KAZN: variants seen among roughly 807,000 people sequenced by gnomAD.
KAZN encodes the protein kazrin, periplakin interacting protein, also known as kazrin.
KAZN carries 40 observed loss-of-function variants against 87.4 expected under a neutral mutation model. That is an observed-to-expected ratio of 0.46 (90% CI 0.36 to 0.60). The LOEUF (loss-of-function observed/expected upper bound fraction) is 0.60. Among genes scored for constraint, KAZN ranks in the 20% least tolerant of loss-of-function variants. The pLI is 0.00. For synonymous variants in KAZN, 466 were observed against 458.3 expected, an observed-to-expected ratio of 1.02 and a Z score of -0.22; for missense variants, 898 against 1,073.9, an observed-to-expected ratio of 0.84 and a Z score of 2.29.
intron 1 of KAZN, among the ~76,000 whole-genome samples, chr1:14,831,735 C>T (rs1440179073): frequency 6.6e-6 from 1 of 152,180 alleles, no homozygotes; most frequent in Non-Finnish European, 1.5e-5. Context: ...GAAACCGAGA[C>T]AGGGAAATGA....
intron 4 of KAZN, among the ~76,000 whole-genome samples, chr1:15,046,820 G>A (rs1042371236): frequency 3.9e-5 from 6 of 152,224 alleles, no homozygotes; most frequent in African/African-American, 1.4e-4. Flanking sequence ...CCCTGCTGCT[G>A]CGTGCAGCCC....
chr1:14,381,217 C>T (rs1321972791), intron 2 of KAZN, among the ~76,000 whole-genome samples: 2 of 152,122 alleles, frequency 1.3e-5, no homozygotes, highest in African/African-American at 4.8e-5. Context: ...AACAATTTTA[C>T]ATATATGTGC....
At chr1:14,555,828 G>C (rs561440532) in intron 2 of KAZN, among the ~76,000 whole-genome samples, 1 of 152,298 alleles carries the variant, frequency 6.6e-6, no homozygotes, top group South Asian at 2.1e-4. Flanking sequence ...AACTGACCCC[G>C]ATGTTTGTAC....
intron 1 of KAZN, among the ~76,000 whole-genome samples, chr1:14,708,776 G>A (rs1415878613): frequency 1.3e-5 from 2 of 152,228 alleles, no homozygotes; most frequent in East Asian, 3.8e-4. Flanking sequence ...CAGCCAGCAA[G>A]GATTGTTTAT....
At chr1:14,672,791 G>C (rs1049248399) in intron 1 of KAZN, among the ~76,000 whole-genome samples, 2 of 152,174 alleles carry the variant, frequency 1.3e-5, no homozygotes, top group Admixed American at 6.5e-5. Flanking sequence ...GCACCAAAAA[G>C]TGTGGCCCTG....
intron 1 of KAZN, among the ~76,000 whole-genome samples, chr1:14,881,969 A>T (rs1476187387): frequency 6.6e-6 from 1 of 151,976 alleles, no homozygotes; most frequent in African/African-American, 2.4e-5. Context: ...TCTCAGGTCC[A>T]CTCTAAGCTG....
At position 14,796,651 on chromosome 1, in the gene KAZN, T is replaced by C. The variant is rs572630190; in HGVS notation, c.227-164033T>C. Among the ~76,000 whole-genome samples the C allele has an allele frequency of 1.9e-4, 29 of 152,386 alleles. No homozygotes were observed. The South Asian group carries it at 5.0e-3, about 26-fold the overall frequency. ...GTATCGCCGTATTTTGGAAGATCAC[T>C]GTCTCTTCATTTGTAAGCATGGCAC... is the stretch of plus-strand genomic sequence containing the variant. On this transcript the variant is annotated intron_variant, in intron 1 of 14. Coordinates refer to ENST00000376030, the MANE Select transcript of KAZN (RefSeq NM_201628.3).
chr1:14,390,222 G>A (rs1429265952), intron 2 of KAZN, among the ~76,000 whole-genome samples: 1 of 152,160 alleles, frequency 6.6e-6, no homozygotes, highest in Admixed American at 6.5e-5. Context: ...ATCTAGCTCT[G>A]GAGATGAAGC....
intron 1 of KAZN, among the ~76,000 whole-genome samples, chr1:14,831,166 C>G (rs1647038118): frequency 6.6e-6 from 1 of 152,236 alleles, no homozygotes; most frequent in African/African-American, 2.4e-5. Context: ...GCCCAATTCT[C>G]TTGTTTTTGC....
intron 2 of KAZN, among the ~76,000 whole-genome samples, chr1:14,536,507 C>T (rs1431221649): frequency 6.6e-6 from 1 of 152,134 alleles, no homozygotes; most frequent in Non-Finnish European, 1.5e-5. Flanking sequence ...TTGGGATAGG[C>T]AGGTTGAGGA....
chr1:15,071,414 G>C (rs1432912181), intron 8 of KAZN, among the ~76,000 whole-genome samples: 1 of 151,994 alleles, frequency 6.6e-6, no homozygotes, highest in Non-Finnish European at 1.5e-5. Flanking sequence ...ACCACACCCG[G>C]CTACTTTTTG....
chr1:14,210,459 G>A (rs1176500378), intron 2 of KAZN, among the ~76,000 whole-genome samples: 1 of 152,114 alleles, frequency 6.6e-6, no homozygotes. Flanking sequence ...TAGTCATCCT[G>A]CAGTTGGATG....
intron 1 of KAZN, among the ~76,000 whole-genome samples, chr1:14,789,315 A>G (rs924543804): frequency 6.6e-6 from 1 of 152,180 alleles, no homozygotes; most frequent in East Asian, 1.9e-4. Flanking sequence ...TCACTGTCCA[A>G]TAAAGTCTGT....
intron 1 of KAZN, among the ~76,000 whole-genome samples, chr1:14,777,825 G>T (rs758296876): frequency 6.6e-6 from 1 of 152,164 alleles, no homozygotes; most frequent in Non-Finnish European, 1.5e-5. Flanking sequence ...AGAACTGAGG[G>T]TTCCTCCCCT....
chr1:14,308,318 T>C (rs999674476), intron 2 of KAZN, among the ~76,000 whole-genome samples: 6 of 151,944 alleles, frequency 3.9e-5, no homozygotes, highest in African/African-American at 1.4e-4. Flanking sequence ...ATTGAGATTA[T>C]ATAGGAGAAT....
At chr1:15,048,526 A>G (rs1196773569) in intron 4 of KAZN, among the ~76,000 whole-genome samples, 2 of 152,152 alleles carry the variant, frequency 1.3e-5, no homozygotes, top group Non-Finnish European at 2.9e-5. Flanking sequence ...CCTCCCCTCC[A>G]TGGCCAGAGC....
intron 1 of KAZN, among the ~76,000 whole-genome samples, chr1:14,732,007 A>T (rs1643698082): frequency 6.6e-6 from 1 of 152,212 alleles, no homozygotes; most frequent in South Asian, 2.1e-4. Context: ...TGCTGCAGTG[A>T]GGTCAGCTGT....
chr1:14,503,164 G>T (rs1440248522), intron 2 of KAZN, among the ~76,000 whole-genome samples: 1 of 151,866 alleles, frequency 6.6e-6, no homozygotes, highest in Admixed American at 6.6e-5. Flanking sequence ...CAATAGCAAC[G>T]CCAATCTCAG....
At chr1:14,154,853 C>G (rs1645554709) in intron 1 of KAZN, among the ~76,000 whole-genome samples, 1 of 152,130 alleles carries the variant, frequency 6.6e-6, no homozygotes, top group South Asian at 2.1e-4. Flanking sequence ...TCCACTTGGT[C>G]AGGATGAATG....
Sources: gnomAD v4.1 joint callset for allele counts (sites outside exome capture counted in the v4.1 genomes callset) on GRCh38, gnomAD v4.1.1 for gene constraint, MANE v1.5 for transcripts, NCBI Gene and HGNC (gene_info 2026-07-23, HGNC 2026-07-21) for gene names.